Variants in SYTL2 observed in about 807,000 individuals in gnomAD.
The protein encoded by SYTL2 is synaptotagmin like 2.
In SYTL2, 165 loss-of-function variants were observed where a neutral mutation model predicts 198.7. That is an observed-to-expected ratio of 0.83 (90% confidence interval 0.73 to 0.94). The LOEUF (loss-of-function observed/expected upper bound fraction) is 0.94, where lower values mean the gene tolerates loss of function less well. Among genes scored for constraint, SYTL2 ranks in the 40% least tolerant of loss-of-function variants. The probability of loss-of-function intolerance (pLI) is 0.00; values close to 1 mark genes in which losing one functional copy is unlikely to be tolerated. For synonymous variants in SYTL2, 966 were observed against 917.7 expected (o/e 1.05, Z -0.95); for missense variants, 2,835 against 2,582.8 (o/e 1.10, Z -2.12).
intron 16 of SYTL2, among the ~76,000 whole-genome samples, chr11:85,702,750 T>C (rs2084538527): frequency 6.6e-6 from 1 of 152,106 alleles, no homozygotes; most frequent in Non-Finnish European, 1.5e-5. Context: ...TCATATGCAA[T>C]ACCCCACATA....
chr11:85,774,477 G>C (rs1330484280), intron 1 of SYTL2, among the ~76,000 whole-genome samples: 1 of 152,186 alleles, frequency 6.6e-6, no homozygotes, highest in Non-Finnish European at 1.5e-5. Flanking sequence ...CAGGTACACA[G>C]TGCCCTGCAA....
intron 2 of SYTL2, among the ~76,000 whole-genome samples, chr11:85,753,661 C>G (rs1043634537): frequency 6.7e-6 from 1 of 150,228 alleles, no homozygotes; most frequent in Non-Finnish European, 1.5e-5. Flanking sequence ...GTTTTAGCTA[C>G]TTGGGAGACA....
chr11:85,719,056 C>T (rs1283122701), intron 9 of SYTL2: 1 of 1,513,426 alleles, frequency 6.6e-7, no homozygotes, highest in Non-Finnish European at 8.8e-7. Flanking sequence ...CCGGATGCAG[C>T]TCACATCACT....
chr11:85,733,887 C>G, intron 7 of SYTL2, 52 bp downstream of exon 7: 2 of 1,518,104 alleles, frequency 1.3e-6, no homozygotes, highest in Non-Finnish European at 1.8e-6. Flanking sequence ...GCGTGAGCCA[C>G]CGCGCCCGGC....
In SYTL2 at chr11:85,758,482, T is replaced by TA. The variant is rs771546588; in HGVS notation, c.-389-369dup. Reference sequence around the variant, plus strand: ...CAGTGGTCAAGCAAGAATCTAGAAATAAAAATTTTAAATGCTCACCTCTTC... The same window carrying TA: ...CAGTGGTCAAGCAAGAATCTAGAAATAAAAAATTTTAAATGCTCACCTCTTC... On this transcript the variant is annotated intron_variant, in intron 1 of 19. Coordinates refer to ENST00000359152, the MANE Select transcript of SYTL2 (RefSeq NM_206927.4). Among the ~76,000 whole-genome samples the TA allele has an allele frequency of 5.9e-5, 9 of 152,294 alleles. No individual in the cohort carries two copies. The East Asian group carries it at 1.4e-3, about 23-fold the overall frequency.
the SYTL2 span, among the ~76,000 whole-genome samples, chr11:85,827,781 C>T: frequency 6.6e-6 from 1 of 152,142 alleles, no homozygotes; most frequent in Non-Finnish European, 1.5e-5. Flanking sequence ...ATAAGAAAAT[C>T]CTTGTCAAGT....
intron 1 of SYTL2, among the ~76,000 whole-genome samples, chr11:85,810,166 T>C (rs1402797357): frequency 1.3e-5 from 2 of 152,180 alleles, no homozygotes; most frequent in Admixed American, 6.5e-5. Flanking sequence ...CCTGTTCTTA[T>C]CTAGGCTTCT....
intron 12 of SYTL2, among the ~76,000 whole-genome samples, chr11:85,714,186 A>G (rs1398684005): frequency 6.6e-6 from 1 of 152,254 alleles, no homozygotes; most frequent in African/African-American, 2.4e-5. Context: ...TCCCAAATCT[A>G]TGCAATTTGA....
chr11:85,714,440 C>T lies in SYTL2; in HGVS notation c.5598G>A (p.Lys1866=), dbSNP rs151263024. Residue 1866 remains lysine, a synonymous_variant, in exon 12 of 20, where the codon AAG becomes AAA. Coordinates refer to ENST00000359152, the MANE Select transcript of SYTL2 (RefSeq NM_206927.4). ...SHPDKLKRMS[K]SVPAFLQDES... ...CATCTTGGAGAAATGCTGGAACAGA[C>T]TTGCTCATCCTTTTGAGTTTGTCAG... The T allele has an allele frequency of 1.2e-5, 19 of 1,613,558 alleles. No homozygotes were observed. The highest frequency in any genetic ancestry group is 1.4e-5 in the Non-Finnish European group (17 of 1,179,650).
At chr11:85,745,072 T>C (rs1015224698) in intron 4 of SYTL2, among the ~76,000 whole-genome samples, 4 of 152,248 alleles carry the variant, frequency 2.6e-5, no homozygotes, top group Non-Finnish European at 5.9e-5. Flanking sequence ...GTATTCTACA[T>C]ACCTTATCAC....
At chr11:85,773,497 T>C (rs2092396526) in intron 1 of SYTL2, among the ~76,000 whole-genome samples, 1 of 152,186 alleles carries the variant, frequency 6.6e-6, no homozygotes. Context: ...TCCTGATAAG[T>C]GGAGTTAGAG....
Position 85,747,253 on chromosome 11 carries a change from G to C in SYTL2, c.253+1019C>G, listed in dbSNP as rs575259546. ...GAAGATTGCTTGAGGCCAGTAGTTCGAGACCAGCCTGGCCAAAATAGTAAG... is the reference window on the plus strand; with the variant it reads ...GAAGATTGCTTGAGGCCAGTAGTTCCAGACCAGCCTGGCCAAAATAGTAAG... On this transcript the variant is annotated intron_variant, in intron 3 of 19. Coordinates refer to ENST00000359152, the MANE Select transcript of SYTL2 (RefSeq NM_206927.4). Among the ~76,000 whole-genome samples the C allele has an allele frequency of 1.1e-4, 16 of 150,894 alleles. No homozygotes were observed. The South Asian group carries it at 3.3e-3, about 32-fold the overall frequency.
intron 17 of SYTL2, among the ~76,000 whole-genome samples, chr11:85,699,824 G>A (rs540210110): frequency 5.8e-4 from 88 of 152,250 alleles, no homozygotes; most frequent in Non-Finnish European, 9.3e-4. Flanking sequence ...CTCCTTAACT[G>A]GGCTGAAGAC....
intron 14 of SYTL2, chr11:85,707,978 AC>A (rs2085496682): frequency 1.2e-4 from 17 of 142,446 alleles, no homozygotes; most frequent in South Asian, 4.0e-4. Flanking sequence ...AAAAAAAACC[AC>A]ACACACACAC....
chr11:85,721,777 C>A (rs972473721), intron 8 of SYTL2, among the ~76,000 whole-genome samples: 1 of 152,188 alleles, frequency 6.6e-6, no homozygotes, highest in African/African-American at 2.4e-5. Context: ...CTAGTACATT[C>A]CATAGCAAAT....
At chr11:85,844,896 T>A in the SYTL2 span, among the ~76,000 whole-genome samples, 1 of 152,196 alleles carries the variant, frequency 6.6e-6, no homozygotes, top group Non-Finnish European at 1.5e-5. Flanking sequence ...TTGTCCCTAC[T>A]TGCTTCTCCA....
At chr11:85,731,460 A>T (rs146585763) in intron 7 of SYTL2, among the ~76,000 whole-genome samples, 3,400 of 152,214 alleles carry the variant, frequency 0.022, 71 homozygotes, top group Admixed American at 0.053. Context: ...CTTTGCCAAA[A>T]CTGACAAAAA....
At chr11:85,849,456 T>C in the SYTL2 span, among the ~76,000 whole-genome samples, 1 of 152,228 alleles carries the variant, frequency 6.6e-6, no homozygotes, top group African/African-American at 2.4e-5. Context: ...CCATCTTGAA[T>C]TGATTTTTGT....
intron 12 of SYTL2, among the ~76,000 whole-genome samples, chr11:85,711,767 T>A (rs891490684): frequency 3.3e-5 from 5 of 151,038 alleles, no homozygotes; most frequent in African/African-American, 9.7e-5. Context: ...ATATATATAT[T>A]TTTTAATGTT....
Sources: allele counts gnomAD v4.1 joint callset (sites outside exome capture counted in the v4.1 genomes callset), GRCh38; gene constraint gnomAD v4.1.1; transcripts MANE v1.5; gene names NCBI Gene and HGNC (gene_info 2026-07-23, HGNC 2026-07-21).